The following DMXL2 variants were observed in gnomAD, a reference collection of about 807,000 sequenced individuals.
The protein encoded by DMXL2 is dmX-like protein 2.
DMXL2 carries 103 observed loss-of-function variants against 331.1 expected under a neutral mutation model. The observed-to-expected ratio is 0.31, with a 90% CI of 0.27 to 0.37. The LOEUF is 0.37. DMXL2 is among the 10% of genes least tolerant of loss of function. DMXL2 has a pLI of 1.00. For missense variants in DMXL2, 3,171 were observed against 3,642.9 expected (o/e 0.87, Z 3.33); for synonymous variants, 1,281 against 1,252.1 (o/e 1.02, Z -0.49).
intron 13 of DMXL2, among the ~76,000 whole-genome samples, chr15:51,524,230 T>G (rs1355482618): frequency 2.6e-5 from 4 of 152,208 alleles, no homozygotes. Flanking sequence ...GAAGAGAAAT[T>G]CTCAAAGGAA....
chr15:51,614,627 T>C (rs2054178412), intron 1 of DMXL2, among the ~76,000 whole-genome samples: 2 of 152,132 alleles, frequency 1.3e-5, no homozygotes, highest in Non-Finnish European at 2.9e-5. Context: ...TATAAAAAAA[T>C]AGCCTTATGA....
rs778627888 is a variant in DMXL2 at position 51,536,434 on chromosome 15, C to T, written c.2046G>A (p.Gln682=). ...NALLTPELDC[Q]WDSDNKLSRL... ...TACTTAATTTATTGTCTGAGTCCCA[C>T]TGACAATCTAATTCAGGAGTCAATA... Residue 682 remains glutamine (Q), a synonymous_variant, in exon 12 of 44, where the codon CAG becomes CAA. Transcript: ENST00000560891. 4 of 1,613,858 alleles carry T rather than the reference C, an allele frequency of 2.5e-6. No homozygotes were observed. The African/African-American group carries it at 5.3e-5, about 22-fold the overall frequency.
chr15:51,515,871 A>T (rs1223319568), intron 14 of DMXL2, among the ~76,000 whole-genome samples: 7 of 152,016 alleles, frequency 4.6e-5, no homozygotes, highest in Non-Finnish European at 2.9e-5. Context: ...AAGCCAACCC[A>T]CTCTTCTACA....
chr15:51,520,459 T>G (rs1567061325), intron 13 of DMXL2, among the ~76,000 whole-genome samples: 2 of 152,276 alleles, frequency 1.3e-5, no homozygotes, highest in East Asian at 1.9e-4. Context: ...TAACTGATAT[T>G]TTGGTGTTGA....
At position 51,499,015 on chromosome 15, in the gene DMXL2, G is replaced by A. The variant is rs1231630284; in HGVS notation, c.4209C>T (p.Gly1403=). ...RHLSRTISVS[G]STAKETVTVG... Reference sequence around the variant, plus strand: ...CGGTGACTGTTTCCTTTGCTGTACTGCCACTTACACTAATAGTTCGAGAGA... The same window carrying A: ...CGGTGACTGTTTCCTTTGCTGTACTACCACTTACACTAATAGTTCGAGAGA... Residue 1403 remains glycine, a synonymous_variant, in exon 18 of 44, where the codon GGC becomes GGT. Transcript: ENST00000560891. 1 of 1,613,902 alleles carries A rather than the reference G, an allele frequency of 6.2e-7. No individual in the cohort carries two copies. The highest frequency in any genetic ancestry group is 1.7e-5 in the Admixed American group (1 of 60,022).
At chr15:51,591,480 G>A (rs913008321) in intron 1 of DMXL2, among the ~76,000 whole-genome samples, 2 of 152,186 alleles carry the variant, frequency 1.3e-5, no homozygotes, top group African/African-American at 4.8e-5. Flanking sequence ...AGGCCTGCCT[G>A]CCTCTGTAGA....
chr15:51,459,566 A>G, intron 34 of DMXL2, 32 bp downstream of exon 34: 1 of 1,289,242 alleles, frequency 7.8e-7, no homozygotes, highest in Non-Finnish European at 1.0e-6. Flanking sequence ...AACTTTAAAG[A>G]ATGAGCTAAA....
chr15:51,583,425 T>C (rs1184544237), intron 1 of DMXL2, among the ~76,000 whole-genome samples: 1 of 61,576 alleles, frequency 1.6e-5, no homozygotes, highest in Non-Finnish European at 3.3e-5. Flanking sequence ...TGGTTTCCAA[T>C]TTCATCCATG....
intron 6 of DMXL2, among the ~76,000 whole-genome samples, chr15:51,560,941 T>C (rs2049925421): frequency 6.6e-6 from 1 of 151,780 alleles, no homozygotes; most frequent in African/African-American, 2.4e-5. Context: ...TATTATATCT[T>C]ATATAACATG....
chr15:51,544,167 C>T (rs2048762243), intron 8 of DMXL2, among the ~76,000 whole-genome samples: 1 of 152,148 alleles, frequency 6.6e-6, no homozygotes, highest in Non-Finnish European at 1.5e-5. Context: ...CTGCCTAAAT[C>T]TCATGTTGAA....
At chr15:51,456,257 A>G (rs949926120) in intron 38 of DMXL2, 52 bp downstream of exon 38, 1 of 1,599,260 alleles carries the variant, frequency 6.3e-7, no homozygotes, top group Non-Finnish European at 8.5e-7. Flanking sequence ...TCTATTCTAT[A>G]AATCAACCTC....
At chr15:51,594,133 T>C (rs1333377914) in intron 1 of DMXL2, among the ~76,000 whole-genome samples, 2 of 151,996 alleles carry the variant, frequency 1.3e-5, no homozygotes, top group African/African-American at 2.4e-5. Context: ...CAGAAGCTGG[T>C]TTTTTGAAAA....
intron 6 of DMXL2, among the ~76,000 whole-genome samples, chr15:51,553,476 T>TA (rs200193511): frequency 0.013 from 1,910 of 151,726 alleles, 35 homozygotes; most frequent in East Asian, 0.06. Flanking sequence ...CGTTATATGA[T>TA]AAAAAAAAAT....
intron 2 of DMXL2, among the ~76,000 whole-genome samples, chr15:51,569,513 C>G (rs2050517082): frequency 6.7e-6 from 1 of 150,226 alleles, no homozygotes; most frequent in Non-Finnish European, 1.5e-5. Context: ...GGGTCCCTGA[C>G]CCCCCCGTGT....
chr15:51,578,318 A>C (rs1472606483), intron 1 of DMXL2, among the ~76,000 whole-genome samples: 1 of 152,240 alleles, frequency 6.6e-6, no homozygotes, highest in Non-Finnish European at 1.5e-5. Context: ...GATAAATATT[A>C]GTACACTTTG....
intron 6 of DMXL2, among the ~76,000 whole-genome samples, chr15:51,553,602 A>G (rs1194416847): frequency 2.6e-5 from 4 of 152,144 alleles, no homozygotes; most frequent in Non-Finnish European, 5.9e-5. Context: ...AGCAAGACCA[A>G]CCCCTCCTCT....
In DMXL2 at chr15:51,528,476, C is replaced by T. The variant is rs142366551; in HGVS notation, c.2436+7187G>A. 3.2e-3 allele frequency among the ~76,000 whole-genome samples: 491 copies of T among 152,078 alleles called. 4 individuals carry two copies. Among genetic ancestry groups the T allele is most frequent in the African/African-American group, 0.011 (458 of 41,478 alleles). ...ATATCAGTATCATTATTTTCTGATA[C>T]TATGTATCAGACAAAATAGTTTTCA... On this transcript the variant is annotated intron_variant, in intron 13 of 43. Coordinates refer to ENST00000560891, the MANE Select transcript of DMXL2 (RefSeq NM_001378457.1).
At chr15:51,458,000 G>C (rs1595886768) in intron 36 of DMXL2, 1 of 157,018 alleles carries the variant, frequency 6.4e-6, no homozygotes, top group Admixed American at 6.2e-5. Flanking sequence ...ATTTCTAAGA[G>C]TCTGGAGAAA....
At chr15:51,502,512 A>G (rs1006708609) in intron 17 of DMXL2, among the ~76,000 whole-genome samples, 1 of 152,022 alleles carries the variant, frequency 6.6e-6, no homozygotes, top group Non-Finnish European at 1.5e-5. Flanking sequence ...TAGTACAGAC[A>G]TGGTTTCGCC....
Sources: gnomAD v4.1 joint callset for allele counts (sites outside exome capture counted in the v4.1 genomes callset) on GRCh38, gnomAD v4.1.1 for gene constraint, MANE v1.5 for transcripts, NCBI Gene and HGNC (gene_info 2026-07-23, HGNC 2026-07-21) for gene names.